CYP2A7: variants seen among roughly 807,000 people sequenced by gnomAD.
CYP2A7 encodes cytochrome P450 family 2 subfamily A member 7.
CYP2A7 carries 36 observed loss-of-function variants against 42.0 expected under a neutral mutation model. The ratio of observed to expected loss-of-function variants is 0.86; its 90% confidence interval spans 0.66 to 1.13. CYP2A7 has a LOEUF of 1.13. Ranked by LOEUF, CYP2A7 falls within the 50% of genes most tolerant of loss-of-function variation. The pLI is 0.00. For missense variants in CYP2A7, 661 were observed against 634.1 expected (o/e 1.04, Z -0.46); for synonymous variants, 260 against 249.5 (o/e 1.04, Z -0.40).
intron 1 of CYP2A7, 127 bp downstream of exon 1, chr19:40,881,904 C>A: frequency 4.0e-6 from 6 of 1,501,492 alleles, no homozygotes; most frequent in African/African-American, 1.4e-5. Context: ...GGCTAGGACC[C>A]GGATGCTGAA....
rs1278109396 is a variant in CYP2A7, at chr19:40,875,580, C to A, written c.*113G>T. On this transcript the variant is annotated 3_prime_UTR_variant, in exon 9 of 9. Coordinates refer to ENST00000301146, the MANE Select transcript of CYP2A7 (RefSeq NM_000764.3). ...TCTCTTCCCTCTAGCCACCACGCCCCTTCCTTTCCCGCATCTTCCCCCCAT... is the reference window on the plus strand; with the variant it reads ...TCTCTTCCCTCTAGCCACCACGCCCATTCCTTTCCCGCATCTTCCCCCCAT... 6.4e-7 allele frequency: 1 copy of A among 1,551,396 alleles called. No homozygotes were observed. Among genetic ancestry groups the A allele is most frequent in the Non-Finnish European group, 8.8e-7 (1 of 1,140,242 alleles).
At position 40,875,553 on chromosome 19, in the gene CYP2A7, C is replaced by A; in HGVS notation, c.*140G>T. 2 of 1,329,010 alleles carry A rather than the reference C, an allele frequency of 1.5e-6. No homozygotes were observed. Among genetic ancestry groups the A allele is most frequent in the South Asian group, 2.9e-5 (2 of 68,678 alleles). 82.3% of individuals were successfully genotyped at this position (1,329,010 alleles called of 1,614,324 possible). On this transcript the variant is annotated 3_prime_UTR_variant, in exon 9 of 9. Transcript: ENST00000301146. ...AAGGTGAACTGAGCCGCTTCTGTTT[C>A]TTCTCTTCCCTCTAGCCACCACGCC...
chr19:40,877,231 C>T lies in CYP2A7; in HGVS notation c.1120G>A (p.Val374Ile). The change falls in exon 7 of 9, where the codon GTT (valine) becomes ATT (isoleucine). Residue 374 changes from valine (V) to isoleucine (I), a missense_variant. Transcript: ENST00000301146. ...DVIPMSLARR[V>I]KKDTKFRDFF... The stretch of plus-strand genomic sequence containing the variant: ...TCCCGAAACTTGGTGTCCTTTTTAA[C>T]CCTGCGGGCCAAACTCATGGGGATC... 2 of 1,612,756 alleles carry T rather than the reference C, an allele frequency of 1.2e-6. No individual in the cohort carries two copies. The highest frequency in any genetic ancestry group is 8.5e-7 in the Non-Finnish European group (1 of 1,179,184).
intron 7 of CYP2A7, 192 bp from the exon 8 acceptor site, chr19:40,876,860 T>C (rs1394089222): frequency 1.2e-6 from 1 of 804,224 alleles, no homozygotes. Context: ...TTGGGAGACA[T>C]GGGGTCCATG....
At chr19:40,878,645 GATT>G (rs1293367203) in intron 5 of CYP2A7, 112 bp downstream of exon 5, 2 of 1,429,924 alleles carry the variant, frequency 1.4e-6, no homozygotes, top group Non-Finnish European at 1.9e-6. Context: ...CAATTGTGAG[GATT>G]ATTATGATGA....
At chr19:40,878,697 A>T in intron 5 of CYP2A7, 63 bp downstream of exon 5, 1 of 1,592,898 alleles carries the variant, frequency 6.3e-7, no homozygotes, top group Non-Finnish European at 8.6e-7. Context: ...TGCCCGCCCC[A>T]CTCCCAGTCT....
At position 40,877,953 on chromosome 19, in the gene CYP2A7, A is replaced by C. The variant is rs763709558; in HGVS notation, c.872T>G (p.Leu291Arg). 13 of 1,612,336 alleles carry C rather than the reference A, an allele frequency of 8.1e-6. No homozygotes were observed. Among genetic ancestry groups the C allele is most frequent in the Non-Finnish European group, 1.1e-5 (13 of 1,178,976 alleles). The change falls in exon 6 of 9, where the codon CTG (leucine) becomes CGG (arginine). Residue 291 changes from leucine to arginine, a missense_variant. Coordinates refer to ENST00000301146, the MANE Select transcript of CYP2A7 (RefSeq NM_000764.3). ...GAAGAGGTTCAACGTGCTCATCATC[A>C]GGTTCTTCAAGTAGAACTCCGTGTT... is the stretch of plus-strand genomic sequence containing the variant. ...NPNTEFYLKN[L>R]MMSTLNLFIA...
rs114746160 is a variant in CYP2A7, at chr19:40,880,919, G to A, written c.344-291C>T. Among the ~76,000 whole-genome samples, 345 of 147,962 alleles carry A rather than the reference G, an allele frequency of 2.3e-3. 4 individuals carry two copies. Among genetic ancestry groups the A allele is most frequent in the African/African-American group, 8.3e-3 (333 of 40,086 alleles). Reference sequence around the variant, plus strand: ...AAACAGAAAGGCCAGATAGAGATGCGCAGAGAAACAGAGGGATAAGGGGAT... The same window carrying A: ...AAACAGAAAGGCCAGATAGAGATGCACAGAGAAACAGAGGGATAAGGGGAT... On this transcript the variant is annotated intron_variant, in intron 2 of 8. Coordinates refer to ENST00000301146, the MANE Select transcript of CYP2A7 (RefSeq NM_000764.3).
At chr19:40,877,136 G>A in intron 7 of CYP2A7, 54 bp downstream of exon 7, 2 of 1,589,316 alleles carry the variant, frequency 1.3e-6, no homozygotes, top group Non-Finnish European at 1.7e-6. Flanking sequence ...GGATTCTGGG[G>A]ACACAGAGAA....
In CYP2A7 at chr19:40,880,819, G is replaced by GAGAA. The variant is rs1555785569; in HGVS notation, c.344-192_344-191insTTCT. Among the ~76,000 whole-genome samples, 69 of 54,632 alleles carry GAGAA rather than the reference G, an allele frequency of 1.3e-3. 11 individuals are homozygous for GAGAA. Among genetic ancestry groups the GAGAA allele is most frequent in the African/African-American group, 4.5e-3 (67 of 15,056 alleles). The allele number at this position is 54,632 out of a possible 152,430, so 35.8% of individuals were successfully genotyped here. A position where few individuals can be genotyped will look rare whatever the true frequency, so the allele number is the denominator to read the frequency against. ...CGAGGGAGAGAGAGAGAGAGAGAGAGAGAGAGAGAGAGAGAGAGAGAGAGA... is the reference window on the plus strand; with the variant it reads ...CGAGGGAGAGAGAGAGAGAGAGAGAGAGAAAGAGAGAGAGAGAGAGAGAGAGAGA... On this transcript the variant is annotated intron_variant, in intron 2 of 8. Coordinates refer to ENST00000301146, the MANE Select transcript of CYP2A7 (RefSeq NM_000764.3).
intron 5 of CYP2A7, 127 bp downstream of exon 5, chr19:40,878,633 G>C (rs1181841830): frequency 5.1e-6 from 7 of 1,360,744 alleles, no homozygotes; most frequent in Non-Finnish European, 6.0e-6. Context: ...ACGGCGCCCA[G>C]CCAATTGTGA....
intron 4 of CYP2A7, among the ~76,000 whole-genome samples, chr19:40,879,798 T>C (rs1292583624): frequency 1.3e-5 from 2 of 150,672 alleles, no homozygotes; most frequent in African/African-American, 2.4e-5. Flanking sequence ...GAGCATCTGT[T>C]AGAAATTACG....
chr19:40,876,792 G>A, intron 7 of CYP2A7, 124 bp from the exon 8 acceptor site: 2 of 1,349,670 alleles, frequency 1.5e-6, no homozygotes, highest in South Asian at 1.4e-5. Flanking sequence ...GAGGAGTTGG[G>A]GTCCTGTGAA....
intron 4 of CYP2A7, among the ~76,000 whole-genome samples, chr19:40,879,758 G>T (rs1235973474): frequency 6.6e-6 from 1 of 151,386 alleles, no homozygotes; most frequent in African/African-American, 2.4e-5. Flanking sequence ...ATTTGTCCAG[G>T]TGTTAAAATA....
intron 4 of CYP2A7, among the ~76,000 whole-genome samples, chr19:40,879,749 T>C (rs2644902): frequency 4.2e-4 from 64 of 151,524 alleles, no homozygotes; most frequent in African/African-American, 1.2e-3. Context: ...GACGCAGTCA[T>C]TTGTCCAGGT....
chr19:40,877,795 T>G (rs1967570204), intron 6 of CYP2A7, 57 bp downstream of exon 6: 1 of 1,560,580 alleles, frequency 6.4e-7, no homozygotes, highest in Non-Finnish European at 8.7e-7. Flanking sequence ...ATTGCACCAG[T>G]CGAAGGGGAA....
rs373866036 is a variant in CYP2A7 at position 40,880,529 on chromosome 19, C to A, written c.443G>T (p.Arg148Leu). 1 of 1,612,086 alleles carries A rather than the reference C, an allele frequency of 6.2e-7. No individual in the cohort carries two copies. The highest frequency in any genetic ancestry group is 2.2e-5 in the East Asian group (1 of 44,814). The change falls in exon 3 of 9, where the codon CGC becomes CTC. Residue 148 changes from arginine to leucine, a missense_variant. Arg to Leu is a moderately radical substitution (Grantham distance 102). Transcript: ENST00000301146. Reference protein sequence around the residue: ...FGVGKRGIEERIQEESGFLIE... With the variant: ...FGVGKRGIEELIQEESGFLIE... ...GAGGAAGCCCGACTCCTCCTGGATGCGCTCCTCGATGCCTCGCTTGCCCAC... is the reference window on the plus strand; with the variant it reads ...GAGGAAGCCCGACTCCTCCTGGATGAGCTCCTCGATGCCTCGCTTGCCCAC...
chr19:40,880,213 G>A lies in CYP2A7; in HGVS notation c.525C>T (p.Ser175=). ...AGCTGATGACATTGGAGACTGTGCG[G>A]CTCAGGAAGAAGGTGGGATCGATAT... ...GANIDPTFFL[S]RTVSNVISSI... is the part of the protein sequence containing the mutation. Residue 175 remains serine (S), a synonymous_variant, in exon 4 of 9, where the codon AGC becomes AGT. Transcript: ENST00000301146. 6.2e-7 allele frequency: 1 copy of A among 1,612,930 alleles called. No homozygotes were observed. Among genetic ancestry groups the A allele is most frequent in the South Asian group, 1.1e-5 (1 of 91,028 alleles).
chr19:40,878,717 C>T (rs778236769), intron 5 of CYP2A7, 43 bp downstream of exon 5: 20 of 1,601,698 alleles, frequency 1.2e-5, no homozygotes, highest in Non-Finnish European at 1.7e-5. Flanking sequence ...TGATTTCCCT[C>T]TGCCTGGCTT....
Sources: allele counts gnomAD v4.1 joint callset (sites outside exome capture counted in the v4.1 genomes callset), GRCh38; gene constraint gnomAD v4.1.1; transcripts MANE v1.5; gene names NCBI Gene and HGNC (gene_info 2026-07-23, HGNC 2026-07-21).